DOCK10: variants seen among roughly 807,000 people sequenced by gnomAD.
DOCK10 encodes dedicator of cytokinesis protein 10.
Under a neutral mutation model 280.1 loss-of-function variants are expected in DOCK10, and 145 were observed. The ratio of observed to expected loss-of-function variants is 0.52; its 90% CI spans 0.45 to 0.59. The LOEUF (loss-of-function observed/expected upper bound fraction) is 0.59. Among genes scored for constraint, DOCK10 ranks in the 20% least tolerant of loss-of-function variants. DOCK10 has a pLI of 0.00. For synonymous variants in DOCK10, 915 were observed against 942.2 expected (o/e 0.97, Z 0.53); for missense variants, 2,368 against 2,651.7 (o/e 0.89, Z 2.35).
chr2:225,011,931 T>C (rs1689450657), intron 1 of DOCK10, among the ~76,000 whole-genome samples: 1 of 152,052 alleles, frequency 6.6e-6, no homozygotes, highest in Non-Finnish European at 1.5e-5. Context: ...CATACGCAAC[T>C]GAATTAAAAA....
Position 224,920,215 on chromosome 2 carries a change from A to G in DOCK10, c.244-3431T>C, listed in dbSNP as rs1575059631. On this transcript the variant is annotated intron_variant, in intron 2 of 55. Transcript: ENST00000258390. ...GTAGTTGAGACTACAGGTGCGCACC[A>G]CTATGCCTGGCTAATTTTCACTTTT... 2.0e-5 allele frequency among the ~76,000 whole-genome samples: 3 copies of G among 148,106 alleles called. No individual in the cohort carries two copies. The Admixed American group carries it at 2.0e-4, about 10-fold the overall frequency.
intron 1 of DOCK10, among the ~76,000 whole-genome samples, chr2:224,960,716 C>T (rs569272443): frequency 2.7e-4 from 41 of 149,126 alleles, no homozygotes; most frequent in African/African-American, 8.2e-4. Flanking sequence ...GCACAATGAA[C>T]GCATCACCAA....
intron 1 of DOCK10, among the ~76,000 whole-genome samples, chr2:224,941,267 G>C (rs1055501110): frequency 6.6e-6 from 1 of 151,470 alleles, no homozygotes; most frequent in African/African-American, 2.4e-5. Context: ...AAGTTGATGG[G>C]AGAATTGACA....
Position 225,041,196 on chromosome 2 carries a change from G to A in DOCK10, c.123+1056C>T, listed in dbSNP as rs1243293132. On this transcript the variant is annotated intron_variant, in intron 1 of 55. Coordinates refer to ENST00000258390, the MANE Select transcript of DOCK10 (RefSeq NM_014689.3). ...GAAGCTTTTGGCGCCCTCCTCATTG[G>A]TGACTGGCAAGAGTAACACTTTCAC... Among the ~76,000 whole-genome samples the A allele has an allele frequency of 9.2e-5, 14 of 152,312 alleles. No individual in the cohort carries two copies. In the East Asian group the frequency reaches 2.7e-3, roughly 29 times the overall value.
chr2:224,797,912 A>C lies in DOCK10; in HGVS notation c.4564T>G (p.Tyr1522Asp). The C allele has an allele frequency of 1.2e-6, 2 of 1,613,908 alleles. No individual in the cohort carries two copies. Among genetic ancestry groups the C allele is most frequent in the Non-Finnish European group, 1.7e-6 (2 of 1,179,804 alleles). ...TGATTGACTTGGAAAAAGAGCATGT[A>C]GGTATCAAAGACCCTTTTCATCAAT... ...NSLMKRVFDT[Y>D]MLFFQVNQSA... Residue 1522 changes from tyrosine to aspartate, a missense_variant, in exon 42 of 56, where the codon TAC becomes GAC. Physicochemically the swap from Tyr to Asp is radical, Grantham distance 160 (BLOSUM62 -3). Around this residue, in one of 2 missense-constraint regions of DOCK10, gnomAD observed 1,159 missense variants for 1,400.8 expected, o/e 0.83. Coordinates refer to ENST00000258390, the MANE Select transcript of DOCK10 (RefSeq NM_014689.3).
At chr2:224,784,873 AG>A in intron 50 of DOCK10, 1 of 777,136 alleles carries the variant, frequency 1.3e-6, no homozygotes, top group East Asian at 6.4e-5. Context: ...ACCATCTGGT[AG>A]GCAATCCTGT....
rs557075935 is a variant in DOCK10 at position 224,956,421 on chromosome 2, C to T, written c.124-24753G>A. On this transcript the variant is annotated intron_variant, in intron 1 of 55. Transcript: ENST00000258390. ...GGTGGATCATTTGAAGTCAGGAGTT[C>T]GAGACCAGATTGGCCAACATGGTGA... Among the ~76,000 whole-genome samples, 3 of 151,958 alleles carry T rather than the reference C, an allele frequency of 2.0e-5. No homozygotes were observed. In the South Asian group the frequency reaches 6.3e-4, roughly 32 times the overall value.
intron 1 of DOCK10, among the ~76,000 whole-genome samples, chr2:225,034,479 A>G (rs1200057057): frequency 3.9e-5 from 6 of 152,208 alleles, no homozygotes; most frequent in African/African-American, 7.2e-5. Flanking sequence ...CAAGATTTAC[A>G]AGTAGACTAT....
intron 1 of DOCK10, among the ~76,000 whole-genome samples, chr2:224,957,472 T>G (rs972023918): frequency 2.0e-5 from 3 of 152,104 alleles, no homozygotes; most frequent in Non-Finnish European, 4.4e-5. Context: ...TAATTTTTTT[T>G]GAGGTGGGGT....
Position 224,875,740 on chromosome 2 carries a change from CT to C in DOCK10, c.931+297del, listed in dbSNP as rs1372554649. On this transcript the variant is annotated intron_variant, in intron 8 of 55. Coordinates refer to ENST00000258390, the MANE Select transcript of DOCK10 (RefSeq NM_014689.3). Reference sequence around the variant, plus strand: ...AGGCTAAAATACCACAAAATGCCCCCTATAAGGTAATGTCCCATTGGACATG... The same window carrying C: ...AGGCTAAAATACCACAAAATGCCCCCATAAGGTAATGTCCCATTGGACATG... 2.0e-5 allele frequency among the ~76,000 whole-genome samples: 3 copies of C among 152,132 alleles called. No homozygotes were observed. In the East Asian group the frequency reaches 5.8e-4, roughly 29 times the overall value.
At chr2:224,940,191 A>G (rs1025659307) in intron 1 of DOCK10, among the ~76,000 whole-genome samples, 1 of 152,160 alleles carries the variant, frequency 6.6e-6, no homozygotes, top group Non-Finnish European at 1.5e-5. Context: ...ACACTCCCAC[A>G]AGACTTTCCA....
At chr2:224,828,360 AC>A (rs1217653569) in intron 27 of DOCK10, among the ~76,000 whole-genome samples, 1 of 152,192 alleles carries the variant, frequency 6.6e-6, no homozygotes, top group East Asian at 1.9e-4. Context: ...TGAGCAACTC[AC>A]TGCTAGGGTT....
At position 224,954,356 on chromosome 2, in the gene DOCK10, A is replaced by G. The variant is rs181212854; in HGVS notation, c.124-22688T>C. The stretch of plus-strand genomic sequence containing the variant: ...GAGATATGTATATATCTTACCAATA[A>G]GTATCTTAGTGTGATATTTAGAAAA... On this transcript the variant is annotated intron_variant, in intron 1 of 55. Transcript: ENST00000258390. Among the ~76,000 whole-genome samples, 7 of 152,354 alleles carry G rather than the reference A, an allele frequency of 4.6e-5. No individual in the cohort carries two copies. In the East Asian group the frequency reaches 1.2e-3, roughly 25 times the overall value.
chr2:224,772,448 C>A (rs962519708), intron 53 of DOCK10, among the ~76,000 whole-genome samples: 1 of 152,134 alleles, frequency 6.6e-6, no homozygotes, highest in South Asian at 2.1e-4. Flanking sequence ...GAGTACTAAG[C>A]CCCAGGGCGT....
intron 1 of DOCK10, among the ~76,000 whole-genome samples, chr2:224,937,458 T>C (rs540016401): frequency 4.4e-4 from 67 of 152,324 alleles, no homozygotes; most frequent in African/African-American, 1.5e-3. Context: ...CCAACTACAA[T>C]GAATTCTTCA....
At chr2:224,774,685 G>A (rs1185336215) in intron 52 of DOCK10, among the ~76,000 whole-genome samples, 1 of 152,136 alleles carries the variant, frequency 6.6e-6, no homozygotes, top group Non-Finnish European at 1.5e-5. Flanking sequence ...AAGGGAATAG[G>A]TATGCAAAGC....
chr2:224,828,929 G>T (rs1336184125), intron 27 of DOCK10, among the ~76,000 whole-genome samples: 1 of 151,402 alleles, frequency 6.6e-6, no homozygotes, highest in Non-Finnish European at 1.5e-5. Flanking sequence ...GAATAGTCAT[G>T]GTTCCTTTGT....
At chr2:224,929,513 G>A (rs1198696271) in intron 2 of DOCK10, among the ~76,000 whole-genome samples, 2 of 152,146 alleles carry the variant, frequency 1.3e-5, no homozygotes, top group African/African-American at 4.8e-5. Flanking sequence ...TGAGAAATGG[G>A]CAAGGACCAC....
chr2:224,892,547 G>A (rs1217899854), intron 4 of DOCK10, among the ~76,000 whole-genome samples: 6 of 152,156 alleles, frequency 3.9e-5, no homozygotes, highest in East Asian at 1.9e-4. Context: ...GGCCTCTCTC[G>A]AGAGGTAACA....
Sources: allele counts gnomAD v4.1 joint callset (sites outside exome capture counted in the v4.1 genomes callset), GRCh38; gene constraint gnomAD v4.1.1; regional missense constraint gnomAD v4.1.1; transcripts MANE v1.5; gene names NCBI Gene and HGNC (gene_info 2026-07-23, HGNC 2026-07-21).